The following ZFAND3 variants were observed in gnomAD, a reference collection of about 807,000 sequenced individuals.
The protein encoded by ZFAND3 is zinc finger AN1-type containing 3.
In ZFAND3, 10 loss-of-function variants were observed where a neutral mutation model predicts 29.6. The ratio of observed to expected loss-of-function variants is 0.34; its 90% CI spans 0.21 to 0.57. The LOEUF (loss-of-function observed/expected upper bound fraction) is 0.57. Ranked by LOEUF, ZFAND3 falls within the 20% of genes least tolerant of loss-of-function variation. The probability of loss-of-function intolerance (pLI) is 0.86; values close to 1 mark genes in which losing one functional copy is unlikely to be tolerated. For missense variants in ZFAND3, 230 were observed against 304.5 expected, an observed-to-expected ratio of 0.76 and a Z score of 1.82; for synonymous variants, 128 against 112.6, an observed-to-expected ratio of 1.14 and a Z score of -0.87.
intron 2 of ZFAND3, among the ~76,000 whole-genome samples, chr6:38,026,451 A>T (rs897583118): frequency 9.5e-6 from 1 of 105,228 alleles, no homozygotes; most frequent in Non-Finnish European, 1.8e-5. Flanking sequence ...TTTTTTTGAG[A>T]CAAGAGTCTC....
intron 5 of ZFAND3, among the ~76,000 whole-genome samples, chr6:38,151,808 C>T (rs528958937): frequency 1.3e-5 from 2 of 152,120 alleles, no homozygotes; most frequent in Non-Finnish European, 2.9e-5. Flanking sequence ...TCATTTAAGA[C>T]ATAATCATTT....
intron 5 of ZFAND3, among the ~76,000 whole-genome samples, chr6:38,120,349 T>TTG (rs1765509649): frequency 3.8e-5 from 5 of 131,068 alleles, no homozygotes; most frequent in East Asian, 2.7e-4. Flanking sequence ...TTTTTTTTTT[T>TTG]TGTGGAGACG....
intron 2 of ZFAND3, among the ~76,000 whole-genome samples, chr6:37,930,589 A>C (rs1379497904): frequency 1.3e-5 from 2 of 152,140 alleles, no homozygotes; most frequent in Admixed American, 1.3e-4. Context: ...AAGTCACGTA[A>C]TCTCTTTGGA....
At chr6:37,934,807 C>A (rs1761666385) in intron 2 of ZFAND3, among the ~76,000 whole-genome samples, 1 of 119,402 alleles carries the variant, frequency 8.4e-6, no homozygotes. Context: ...CCACTGCATT[C>A]CAGCCTGGGC....
At chr6:38,117,256 C>CATTTTT (rs1554182161) in intron 5 of ZFAND3, among the ~76,000 whole-genome samples, 1 of 96,352 alleles carries the variant, frequency 1.0e-5, no homozygotes, top group African/African-American at 4.2e-5. Context: ...TTGAAATAGC[C>CATTTTT]TTTTTTTTTT....
intron 2 of ZFAND3, among the ~76,000 whole-genome samples, chr6:37,943,012 A>G (rs1341996842): frequency 6.6e-6 from 1 of 152,184 alleles, no homozygotes; most frequent in African/African-American, 2.4e-5. Flanking sequence ...GCATGTATTA[A>G]CCTATGCAAA....
intron 2 of ZFAND3, among the ~76,000 whole-genome samples, chr6:38,030,052 A>ATATATATATG (rs1763525343): frequency 6.8e-3 from 4 of 584 alleles, no homozygotes; most frequent in Admixed American, 0.014. Flanking sequence ...GTTCTGCTGG[A>ATATATATATG]TATATATATA....
At chr6:37,940,924 A>G (rs899540538) in intron 2 of ZFAND3, among the ~76,000 whole-genome samples, 1 of 152,248 alleles carries the variant, frequency 6.6e-6, no homozygotes, top group Non-Finnish European at 1.5e-5. Context: ...AAAAGAGAGG[A>G]AAGGCATAGA....
intron 1 of ZFAND3, among the ~76,000 whole-genome samples, chr6:37,839,215 C>T (rs566933103): frequency 6.7e-6 from 1 of 149,768 alleles, no homozygotes; most frequent in Non-Finnish European, 1.5e-5. Context: ...GAGTCTTACT[C>T]TGTCGCCCAG....
At chr6:37,941,011 A>G (rs1380792351) in intron 2 of ZFAND3, among the ~76,000 whole-genome samples, 1 of 152,244 alleles carries the variant, frequency 6.6e-6, no homozygotes, top group Non-Finnish European at 1.5e-5. Context: ...AATTGTAACT[A>G]AGATTGCTGC....
chr6:38,014,606 C>A lies in ZFAND3; in HGVS notation c.113-46987C>A, dbSNP rs190686771. ...CCTCCCAAAGTGCTGGGATTACAGGCGTGAGCCACCATGGCCAGCCCTAGA... is the reference window on the plus strand; with the variant it reads ...CCTCCCAAAGTGCTGGGATTACAGGAGTGAGCCACCATGGCCAGCCCTAGA... On this transcript the variant is annotated intron_variant, in intron 2 of 5. Transcript: ENST00000287218. Among the ~76,000 whole-genome samples the A allele has an allele frequency of 3.9e-5, 6 of 152,296 alleles. No homozygotes were observed. The East Asian group carries it at 1.2e-3, about 29-fold the overall frequency.
intron 2 of ZFAND3, among the ~76,000 whole-genome samples, chr6:37,983,519 C>T (rs1762615402): frequency 6.6e-6 from 1 of 151,810 alleles, no homozygotes; most frequent in South Asian, 2.1e-4. Flanking sequence ...ACCACCACAC[C>T]CGGCTAATTT....
intron 4 of ZFAND3, among the ~76,000 whole-genome samples, chr6:38,103,697 T>G (rs1474973045): frequency 1.3e-5 from 2 of 152,100 alleles, no homozygotes; most frequent in Non-Finnish European, 2.9e-5. Context: ...TACAAATCTT[T>G]GAATTCTTAT....
At chr6:37,933,764 T>G (rs1761640639) in intron 2 of ZFAND3, among the ~76,000 whole-genome samples, 1 of 152,208 alleles carries the variant, frequency 6.6e-6, no homozygotes, top group South Asian at 2.1e-4. Context: ...TTTTTTTGTT[T>G]GTTTGTTTGT....
intron 2 of ZFAND3, among the ~76,000 whole-genome samples, chr6:38,055,503 G>A (rs1236231150): frequency 6.6e-6 from 1 of 152,176 alleles, no homozygotes; most frequent in South Asian, 2.1e-4. Flanking sequence ...GGTTTGCCCA[G>A]TTTATTTTGA....
chr6:38,072,434 C>A (rs1204860260), intron 3 of ZFAND3, among the ~76,000 whole-genome samples: 1 of 152,130 alleles, frequency 6.6e-6, no homozygotes, highest in African/African-American at 2.4e-5. Flanking sequence ...CACTGTCCCC[C>A]CTGCCCCCAA....
chr6:37,860,114 A>AC (rs1764456792), intron 1 of ZFAND3, among the ~76,000 whole-genome samples: 1 of 138,780 alleles, frequency 7.2e-6, no homozygotes, highest in Admixed American at 7.4e-5. Context: ...CAGGTGATCC[A>AC]CCCGCCTCGG....
chr6:37,900,189 G>A (rs1306094720), intron 1 of ZFAND3, among the ~76,000 whole-genome samples: 1 of 152,108 alleles, frequency 6.6e-6, no homozygotes, highest in African/African-American at 2.4e-5. Flanking sequence ...CAATACTGCA[G>A]AAACCCTTGC....
chr6:37,819,836 TCCCCCCGCCCCGAG>T lies in ZFAND3; in HGVS notation c.-102_-89del. On this transcript the variant is annotated 5_prime_UTR_variant, in exon 1 of 6. Transcript: ENST00000287218. ...CGCCCGCGCGCCCGCTCCTTCCCCC[TCCCCCCGCCCCGAG>T]CCCCCCGACGCCGCCGCCACCGCCT... 1 of 277,658 alleles carries T rather than the reference TCCCCCCGCCCCGAG, an allele frequency of 3.6e-6. No individual in the cohort carries two copies. The highest frequency in any genetic ancestry group is 5.5e-6 in the Non-Finnish European group (1 of 182,316). 17.2% of individuals were successfully genotyped at this position (277,658 alleles called of 1,614,324 possible).
Sources: allele counts gnomAD v4.1 joint callset (sites outside exome capture counted in the v4.1 genomes callset), GRCh38; gene constraint gnomAD v4.1.1; transcripts MANE v1.5; gene names NCBI Gene and HGNC (gene_info 2026-07-23, HGNC 2026-07-21).